The following STK24 variants were observed in gnomAD, a reference collection of about 807,000 sequenced individuals.
STK24 encodes the protein serine/threonine kinase 24.
STK24 carries 21 observed loss-of-function variants against 55.6 expected under a neutral mutation model. That is an observed-to-expected ratio of 0.38 (90% confidence interval 0.27 to 0.54). The LOEUF (loss-of-function observed/expected upper bound fraction) is 0.54. Among genes scored for constraint, STK24 ranks in the 20% least tolerant of loss-of-function variants. The probability of loss-of-function intolerance (pLI) is 0.79; values close to 1 mark genes in which losing one functional copy is unlikely to be tolerated. For synonymous variants in STK24, 200 were observed against 215.2 expected, an observed-to-expected ratio of 0.93 and a Z score of 0.62; for missense variants, 383 against 538.4, an observed-to-expected ratio of 0.71 and a Z score of 2.86.
chr13:98,479,544 C>CAA (rs1894507943), intron 3 of STK24, among the ~76,000 whole-genome samples: 1 of 152,210 alleles, frequency 6.6e-6, no homozygotes, highest in African/African-American at 2.4e-5. Flanking sequence ...TCCCAGCCTT[C>CAA]AAGTCCTAAA....
At chr13:98,550,249 T>C (rs1476744525) in intron 1 of STK24, among the ~76,000 whole-genome samples, 2 of 152,212 alleles carry the variant, frequency 1.3e-5, no homozygotes, top group Non-Finnish European at 2.9e-5. Context: ...TCATTTTACA[T>C]AGGAACAGGC....
intron 3 of STK24, among the ~76,000 whole-genome samples, chr13:98,479,417 C>A (rs554166168): frequency 6.6e-6 from 1 of 152,140 alleles, no homozygotes; most frequent in South Asian, 2.1e-4. Flanking sequence ...CACCTGAAAT[C>A]CCAAATTTGC....
At chr13:98,559,279 G>C (rs1897354612) in intron 1 of STK24, among the ~76,000 whole-genome samples, 1 of 152,142 alleles carries the variant, frequency 6.6e-6, no homozygotes, top group South Asian at 2.1e-4. Context: ...ATGCATTGTG[G>C]GAGGGACCCA....
intron 2 of STK24, among the ~76,000 whole-genome samples, chr13:98,508,287 T>G (rs1243850130): frequency 6.6e-6 from 1 of 152,168 alleles, no homozygotes; most frequent in Non-Finnish European, 1.5e-5. Flanking sequence ...AATCAAGGAT[T>G]TTTTTCCCCA....
intron 1 of STK24, among the ~76,000 whole-genome samples, chr13:98,551,842 G>A (rs1310609717): frequency 1.3e-5 from 2 of 152,166 alleles, no homozygotes; most frequent in African/African-American, 4.8e-5. Context: ...AAACATAGCA[G>A]ACATTCAATA....
chr13:98,461,055 AGAGAG>A (rs1285587884), intron 8 of STK24, among the ~76,000 whole-genome samples: 21 of 46,120 alleles, frequency 4.6e-4, no homozygotes, highest in African/African-American at 1.1e-3. Context: ...AAAAAAAAAA[AGAGAG>A]AGAGAGAGAG....
At chr13:98,564,368 T>TC (rs1897511903) in intron 1 of STK24, among the ~76,000 whole-genome samples, 1 of 152,174 alleles carries the variant, frequency 6.6e-6, no homozygotes, top group Non-Finnish European at 1.5e-5. Flanking sequence ...CTCGGGGGCT[T>TC]CCCCTTACGA....
intron 2 of STK24, among the ~76,000 whole-genome samples, chr13:98,492,076 C>CGCGTGTGT (rs1555305193): frequency 6.7e-6 from 1 of 149,522 alleles, no homozygotes; most frequent in African/African-American, 2.5e-5. Flanking sequence ...AGTGCGTGCG[C>CGCGTGTGT]GTGTGTGTGT....
chr13:98,469,545 A>AC (rs1491272483), intron 5 of STK24, among the ~76,000 whole-genome samples: 2 of 116,222 alleles, frequency 1.7e-5, no homozygotes, highest in Non-Finnish European at 3.8e-5. Context: ...CCCCCCCCCC[A>AC]AAAAAAAAAG....
intron 1 of STK24, among the ~76,000 whole-genome samples, chr13:98,574,863 G>A (rs1440107463): frequency 6.6e-6 from 1 of 151,988 alleles, no homozygotes; most frequent in Non-Finnish European, 1.5e-5. Flanking sequence ...AAAAAGTGAG[G>A]ATAAAAATGA....
intron 1 of STK24, among the ~76,000 whole-genome samples, chr13:98,558,227 A>C (rs1245392666): frequency 6.6e-6 from 1 of 152,142 alleles, no homozygotes; most frequent in Non-Finnish European, 1.5e-5. Flanking sequence ...ATTGGCTGAT[A>C]TACCACCTAT....
chr13:98,462,612 A>G (rs889849589), intron 7 of STK24, among the ~76,000 whole-genome samples: 2 of 151,748 alleles, frequency 1.3e-5, no homozygotes, highest in African/African-American at 2.4e-5. Flanking sequence ...TCACTCCCCC[A>G]CATGCCCCAA....
At chr13:98,503,698 T>G (rs1374457212) in intron 2 of STK24, among the ~76,000 whole-genome samples, 5 of 152,206 alleles carry the variant, frequency 3.3e-5, no homozygotes, top group Non-Finnish European at 7.3e-5. Context: ...AGTGTGACTG[T>G]GAGCTTAAAA....
chr13:98,551,357 A>G (rs1161398214), intron 1 of STK24, among the ~76,000 whole-genome samples: 2 of 151,898 alleles, frequency 1.3e-5, no homozygotes, highest in Non-Finnish European at 2.9e-5. Flanking sequence ...AAGCAAAATC[A>G]GAAATAAGCT....
At chr13:98,534,334 G>A (rs534635316) in intron 1 of STK24, among the ~76,000 whole-genome samples, 2 of 152,242 alleles carry the variant, frequency 1.3e-5, no homozygotes, top group African/African-American at 4.8e-5. Context: ...TGACCTAACC[G>A]ACTCCATCTT....
intron 2 of STK24, among the ~76,000 whole-genome samples, chr13:98,514,201 G>A (rs1311659666): frequency 1.3e-5 from 2 of 152,152 alleles, no homozygotes; most frequent in East Asian, 1.9e-4. Context: ...TTAGTTATGC[G>A]GGGGAGAAGC....
At chr13:98,556,211 C>T (rs1179659495) in intron 1 of STK24, among the ~76,000 whole-genome samples, 1 of 152,232 alleles carries the variant, frequency 6.6e-6, no homozygotes, top group Non-Finnish European at 1.5e-5. Flanking sequence ...AGCCCCACTC[C>T]TCTTGCCACA....
intron 1 of STK24, among the ~76,000 whole-genome samples, chr13:98,557,127 T>C (rs1722619899): frequency 6.6e-6 from 1 of 152,156 alleles, no homozygotes; most frequent in Non-Finnish European, 1.5e-5. Flanking sequence ...AGTAGCCAAG[T>C]GTGATGAAGT....
chr13:98,445,441 T>TAACA lies in STK24; in HGVS notation c.*7728_*7731dup, dbSNP rs1256880180. The TAACA allele has an allele frequency of 1.3e-5, 2 of 152,338 alleles. No homozygotes were observed. Among genetic ancestry groups the TAACA allele is most frequent in the East Asian group, 3.9e-4 (2 of 5,170 alleles). The allele number at this position is 152,338 out of a possible 1,614,324, so 9.4% of individuals were successfully genotyped here. Reference sequence around the variant, plus strand: ...CCCCTAGCTGGGCTGCAGCGCATCCTAACAATGCTCCAGGGGCTGGGCCGG... The same window carrying TAACA: ...CCCCTAGCTGGGCTGCAGCGCATCCTAACAAACAATGCTCCAGGGGCTGGGCCGG... On this transcript the variant is annotated 3_prime_UTR_variant, in exon 11 of 11. Coordinates refer to ENST00000539966, the MANE Select transcript of STK24 (RefSeq NM_001032296.4).
Sources: allele counts gnomAD v4.1 joint callset (sites outside exome capture counted in the v4.1 genomes callset), GRCh38; gene constraint gnomAD v4.1.1; transcripts MANE v1.5; gene names NCBI Gene and HGNC (gene_info 2026-07-23, HGNC 2026-07-21).